The following TMEM9 variants were observed in gnomAD, a reference collection of about 807,000 sequenced individuals.
TMEM9 encodes the protein proton-transporting V-type ATPase complex assembly regulator TMEM9.
Under a neutral mutation model 22.8 loss-of-function variants are expected in TMEM9, and 13 were observed. The ratio of observed to expected loss-of-function variants is 0.57; its 90% confidence interval spans 0.37 to 0.91. The LOEUF is 0.91. Among genes scored for constraint, TMEM9 ranks in the 40% least tolerant of loss-of-function variants. The pLI is 0.01. For synonymous variants in TMEM9, 88 were observed against 93.0 expected, an observed-to-expected ratio of 0.95 and a Z score of 0.31; for missense variants, 182 against 238.1, an observed-to-expected ratio of 0.76 and a Z score of 1.55.
chr1:201,144,334 G>C (rs1664782186), intron 3 of TMEM9: 1 of 205,272 alleles, frequency 4.9e-6, no homozygotes, highest in Non-Finnish European at 1.0e-5. Flanking sequence ...GAGCAAGGAA[G>C]AACAGGCTGT....
chr1:201,152,153 G>A (rs1665476300), intron 1 of TMEM9, among the ~76,000 whole-genome samples: 1 of 121,982 alleles, frequency 8.2e-6, no homozygotes. Context: ...GAGGGATGAG[G>A]GGAAATGGGT....
intron 4 of TMEM9, among the ~76,000 whole-genome samples, chr1:201,140,618 G>A (rs1664439350): frequency 1.3e-5 from 2 of 152,230 alleles, no homozygotes; most frequent in South Asian, 2.1e-4. Context: ...CAGGAATTGG[G>A]GAGAAGGAAC....
At chr1:201,148,052 T>C (rs1304866363) in intron 2 of TMEM9, among the ~76,000 whole-genome samples, 1 of 152,228 alleles carries the variant, frequency 6.6e-6, no homozygotes, top group African/African-American at 2.4e-5. Flanking sequence ...ATATTCCCAG[T>C]ACCTAGCTGG....
chr1:201,146,599 C>G, intron 3 of TMEM9, 141 bp downstream of exon 3: 1 of 869,590 alleles, frequency 1.1e-6, no homozygotes, highest in Non-Finnish European at 1.9e-6. Flanking sequence ...GTCCCAGTGT[C>G]TGCACTAGGC....
chr1:201,160,327 C>T (rs754102726), intron 1 of TMEM9, among the ~76,000 whole-genome samples: 8 of 152,148 alleles, frequency 5.3e-5, no homozygotes, highest in African/African-American at 1.4e-4. Context: ...TGTTGGCTCA[C>T]GCCTGTAATC....
At chr1:201,155,087 G>A (rs1054762667), upstream of TMEM9, among the ~76,000 whole-genome samples, 4 of 152,198 alleles carry the variant, frequency 2.6e-5, no homozygotes, top group African/African-American at 4.8e-5. Context: ...GTCCCTGGCT[G>A]CTATGTGGCA....
intron 4 of TMEM9, among the ~76,000 whole-genome samples, chr1:201,136,035 C>T (rs1663956311): frequency 6.6e-6 from 1 of 152,166 alleles, no homozygotes; most frequent in Non-Finnish European, 1.5e-5. Context: ...TCTGTAGCAT[C>T]TGCAGGATGG....
chr1:201,159,233 G>A (rs1665881324), upstream of TMEM9, among the ~76,000 whole-genome samples: 1 of 152,196 alleles, frequency 6.6e-6, no homozygotes, highest in Non-Finnish European at 1.5e-5. Flanking sequence ...ACCTCTTATA[G>A]GACATTGCCC....
At chr1:201,166,329 A>G (rs1196596418) in intron 1 of TMEM9, among the ~76,000 whole-genome samples, 3 of 149,612 alleles carry the variant, frequency 2.0e-5, no homozygotes, top group African/African-American at 7.4e-5. Context: ...TTCCAAGTCC[A>G]TCTAGTATTG....
chr1:201,147,605 T>C (rs924322509), intron 2 of TMEM9, among the ~76,000 whole-genome samples: 26 of 152,300 alleles, frequency 1.7e-4, no homozygotes, highest in Middle Eastern at 3.4e-3. Flanking sequence ...AGTTTGGCCT[T>C]TCTAACACAT....
chr1:201,153,659 C>T, intron 1 of TMEM9, 199 bp downstream of exon 1: 1 of 1,262,168 alleles, frequency 7.9e-7, no homozygotes, highest in South Asian at 1.4e-5. Context: ...TGTGCCCCAC[C>T]CTTCCTCACT....
At chr1:201,159,765 G>T (rs1665896581) in intron 1 of TMEM9, among the ~76,000 whole-genome samples, 1 of 151,924 alleles carries the variant, frequency 6.6e-6, no homozygotes, top group African/African-American at 2.4e-5. Flanking sequence ...TCTACCTAAA[G>T]CTTAATAAAT....
At chr1:201,159,494 C>G (rs1665889076), upstream of TMEM9, among the ~76,000 whole-genome samples, 1 of 110,336 alleles carries the variant, frequency 9.1e-6, no homozygotes, top group South Asian at 2.4e-4. Flanking sequence ...TACACACACA[C>G]ACACACACAC....
At chr1:201,171,173 CG>C (rs1242748429) in intron 1 of TMEM9, among the ~76,000 whole-genome samples, 1 of 152,126 alleles carries the variant, frequency 6.6e-6, no homozygotes, top group African/African-American at 2.4e-5. Flanking sequence ...GGAAGGATTG[CG>C]GGGGGCGGTG....
At chr1:201,166,702 T>G (rs747312389) in intron 1 of TMEM9, among the ~76,000 whole-genome samples, 1 of 152,134 alleles carries the variant, frequency 6.6e-6, no homozygotes, top group African/African-American at 2.4e-5. Flanking sequence ...CTACCAGTGG[T>G]CAAAAGGGAG....
At chr1:201,152,326 G>C (rs1271970693) in intron 1 of TMEM9, among the ~76,000 whole-genome samples, 1 of 152,140 alleles carries the variant, frequency 6.6e-6, no homozygotes, top group African/African-American at 2.4e-5. Flanking sequence ...AGAAAAAGTG[G>C]ATCATTTCTG....
chr1:201,171,091 C>T (rs1399811341), intron 1 of TMEM9, among the ~76,000 whole-genome samples: 1 of 152,228 alleles, frequency 6.6e-6, no homozygotes, highest in Non-Finnish European at 1.5e-5. Context: ...AGAAATGTAA[C>T]CAATCCCCGA....
At position 201,135,161 on chromosome 1, in the gene TMEM9, GGCTGGAGCTGGGGCTGGGGCTGAGGC is replaced by G. The variant is rs1462006264; in HGVS notation, c.*476_*501del. The G allele has an allele frequency of 6.5e-6, 1 of 153,650 alleles. No individual in the cohort carries two copies. The highest frequency in any genetic ancestry group is 1.5e-5 in the Non-Finnish European group (1 of 68,616). 9.5% of individuals were successfully genotyped at this position (153,650 alleles called of 1,614,324 possible). ...GCTCTCCCATCAGAGCTGTCCTCAGGGCTGGAGCTGGGGCTGGGGCTGAGGCGCTGGGGCTGGGAGGGAGGTGGTGA... is the reference window on the plus strand; with the variant it reads ...GCTCTCCCATCAGAGCTGTCCTCAGGGCTGGGGCTGGGAGGGAGGTGGTGA... On this transcript the variant is annotated 3_prime_UTR_variant, in exon 5 of 5. Transcript: ENST00000367330.
At chr1:201,162,481 G>A (rs751752011) in intron 1 of TMEM9, among the ~76,000 whole-genome samples, 40 of 150,886 alleles carry the variant, frequency 2.7e-4, no homozygotes, top group Non-Finnish European at 5.3e-4. Flanking sequence ...GCAATGAAGC[G>A]GAGGAAAGAT....
Sources: allele counts gnomAD v4.1 joint callset (sites outside exome capture counted in the v4.1 genomes callset), GRCh38; gene constraint gnomAD v4.1.1; transcripts MANE v1.5; gene names NCBI Gene and HGNC (gene_info 2026-07-23, HGNC 2026-07-21).